KAZN: variants seen among roughly 807,000 people sequenced by gnomAD.
The protein encoded by KAZN is kazrin, periplakin interacting protein.
Under a neutral mutation model 87.4 loss-of-function variants are expected in KAZN, and 40 were observed. The ratio of observed to expected loss-of-function variants is 0.46; its 90% CI spans 0.36 to 0.60. The LOEUF is 0.60. KAZN is among the 20% of genes least tolerant of loss of function. The pLI, the probability that KAZN is intolerant of heterozygous loss-of-function variation, is 0.00. For missense variants in KAZN, 898 were observed against 1,073.9 expected (o/e 0.84, Z 2.29); for synonymous variants, 466 against 458.3 (o/e 1.02, Z -0.22).
intron 1 of KAZN, among the ~76,000 whole-genome samples, chr1:14,886,643 T>C (rs1234637731): frequency 6.6e-6 from 1 of 151,658 alleles, no homozygotes; most frequent in Non-Finnish European, 1.5e-5. Context: ...AATACAAAAT[T>C]AGCCAGGAGT....
intron 1 of KAZN, chr1:14,945,786 C>A: frequency 2.7e-6 from 2 of 743,492 alleles, no homozygotes; most frequent in Non-Finnish European, 3.3e-6. Flanking sequence ...GCAGCACTTT[C>A]AAGCTCCACG....
chr1:14,951,334 T>TG (rs2101707547), intron 1 of KAZN, among the ~76,000 whole-genome samples: 1 of 152,254 alleles, frequency 6.6e-6, no homozygotes, highest in Non-Finnish European at 1.5e-5. Context: ...GCTGGGTACC[T>TG]GCTTTGTTGA....
At chr1:14,938,821 C>G (rs1238056057) in intron 1 of KAZN, among the ~76,000 whole-genome samples, 1 of 152,134 alleles carries the variant, frequency 6.6e-6, no homozygotes, top group African/African-American at 2.4e-5. Flanking sequence ...CCTCAGTTTC[C>G]ACCTCTTGTA....
At chr1:14,970,056 C>A (rs1664857215) in intron 2 of KAZN, among the ~76,000 whole-genome samples, 1 of 152,190 alleles carries the variant, frequency 6.6e-6, no homozygotes, top group South Asian at 2.1e-4. Flanking sequence ...TCAAGTGATT[C>A]ACCTGCCTCG....
chr1:14,811,720 T>A (rs1005352747), intron 1 of KAZN, among the ~76,000 whole-genome samples: 3 of 152,194 alleles, frequency 2.0e-5, no homozygotes, highest in African/African-American at 7.2e-5. Flanking sequence ...ATTAAAGGCA[T>A]GGTAGTTGAA....
chr1:14,168,508 G>A (rs10489144), intron 1 of KAZN, among the ~76,000 whole-genome samples: 17,418 of 152,112 alleles, frequency 0.11, 1,115 homozygotes, highest in East Asian at 0.33. Flanking sequence ...ATTAGAGGTG[G>A]CCTTTTTTGC....
chr1:14,390,144 A>T (rs1038092221), intron 2 of KAZN, among the ~76,000 whole-genome samples: 1 of 152,270 alleles, frequency 6.6e-6, no homozygotes, highest in African/African-American at 2.4e-5. Context: ...AATAAAAACA[A>T]ATCAAATTAT....
chr1:14,372,623 G>A (rs1660584365), intron 2 of KAZN, among the ~76,000 whole-genome samples: 1 of 152,192 alleles, frequency 6.6e-6, no homozygotes, highest in Admixed American at 6.5e-5. Flanking sequence ...ATTATTTATT[G>A]CTCTAAAATA....
In KAZN at chr1:14,598,871, T is replaced by C. The variant is rs1676704630; in HGVS notation, c.-127T>C. ...AACCGGCGCTGCCGGTGCCTGGGGGTCGGGGCGCGGGCGAAGCCGGGCCGC... is the reference window on the plus strand; with the variant it reads ...AACCGGCGCTGCCGGTGCCTGGGGGCCGGGGCGCGGGCGAAGCCGGGCCGC... On this transcript the variant is annotated 5_prime_UTR_variant, in exon 1 of 15. Transcript: ENST00000376030. The surrounding 1 kb of genome is among the most constrained non-coding windows in gnomAD (Gnocchi z 4.2). 1.1e-5 allele frequency: 15 copies of C among 1,419,094 alleles called. No individual in the cohort carries two copies. Among genetic ancestry groups the C allele is most frequent in the Non-Finnish European group, 1.4e-5 (15 of 1,090,528 alleles). The allele number at this position is 1,419,094 out of a possible 1,614,324, so 87.9% of individuals were successfully genotyped here.
chr1:14,705,750 G>C (rs527239268), intron 1 of KAZN, among the ~76,000 whole-genome samples: 4 of 152,334 alleles, frequency 2.6e-5, no homozygotes, highest in African/African-American at 9.6e-5. Flanking sequence ...AAGTGAAACA[G>C]AGGATGCTAG....
At chr1:14,805,896 A>G (rs1646202755) in intron 1 of KAZN, among the ~76,000 whole-genome samples, 1 of 152,172 alleles carries the variant, frequency 6.6e-6, no homozygotes, top group African/African-American at 2.4e-5. Context: ...GGGGGTGTAC[A>G]TGCTGGGAGG....
At chr1:15,113,416 A>G (rs1011603949) in intron 14 of KAZN, 6 of 152,208 alleles carry the variant, frequency 3.9e-5, no homozygotes, top group African/African-American at 1.4e-4. Context: ...AAAACTGTCT[A>G]AAAAGTCTCC....
intron 8 of KAZN, among the ~76,000 whole-genome samples, chr1:15,091,053 C>T (rs72640705): frequency 1.3e-5 from 2 of 152,044 alleles, no homozygotes; most frequent in Admixed American, 1.3e-4. Flanking sequence ...ATCAAACATA[C>T]TATAGTCAAT....
intron 1 of KAZN, among the ~76,000 whole-genome samples, chr1:14,806,237 C>T (rs1646216983): frequency 6.7e-6 from 1 of 149,616 alleles, no homozygotes; most frequent in Non-Finnish European, 1.5e-5. Flanking sequence ...TTTGTCTCAG[C>T]ATCTGATGCC....
At chr1:15,088,546 C>A (rs1183780426) in intron 8 of KAZN, among the ~76,000 whole-genome samples, 1 of 152,212 alleles carries the variant, frequency 6.6e-6, no homozygotes. Flanking sequence ...GACTCGGCAG[C>A]CCCTCCGCTG....
intron 2 of KAZN, among the ~76,000 whole-genome samples, chr1:14,227,565 G>A (rs867287822): frequency 1.3e-5 from 2 of 152,072 alleles, no homozygotes; most frequent in South Asian, 4.1e-4. Flanking sequence ...TATCCCAGCA[G>A]AAGCTGCAAG....
At chr1:14,018,248 A>C (rs1041825275) in intron 1 of KAZN, among the ~76,000 whole-genome samples, 6 of 152,060 alleles carry the variant, frequency 3.9e-5, no homozygotes, top group African/African-American at 4.8e-5. Context: ...GCTTATCTTC[A>C]TTGTGAAGTT....
At chr1:14,967,491 T>A (rs558325141) in intron 2 of KAZN, among the ~76,000 whole-genome samples, 62 of 152,304 alleles carry the variant, frequency 4.1e-4, no homozygotes, top group African/African-American at 1.5e-3. Flanking sequence ...GTCCCCAGCC[T>A]AATTCCTGGG....
At chr1:13,920,580 G>A (rs374703548) in intron 1 of KAZN, among the ~76,000 whole-genome samples, 1 of 152,026 alleles carries the variant, frequency 6.6e-6, no homozygotes, top group South Asian at 2.1e-4. Flanking sequence ...GAATAAACCT[G>A]AGAGGGGCTT....
Sources: gnomAD v4.1 joint callset for allele counts (sites outside exome capture counted in the v4.1 genomes callset) on GRCh38, gnomAD v4.1.1 for gene constraint, Gnocchi (gnomAD v3.1) non-coding constraint, MANE v1.5 for transcripts, NCBI Gene and HGNC (gene_info 2026-07-23, HGNC 2026-07-21) for gene names.